Variants in LINGO2 observed in about 807,000 individuals in gnomAD.
The protein encoded by LINGO2 is leucine rich repeat and Ig domain containing 2, also known as leucine-rich repeat and immunoglobulin-like domain-containing nogo receptor-interacting protein 2.
Under a neutral mutation model 30.6 loss-of-function variants are expected in LINGO2, and 14 were observed. That is an observed-to-expected ratio of 0.46 (90% CI 0.30 to 0.72). The LOEUF (loss-of-function observed/expected upper bound fraction) is 0.72, where lower values mean the gene tolerates loss of function less well. LINGO2 is among the 30% of genes least tolerant of loss of function. The pLI, the probability that LINGO2 is intolerant of heterozygous loss-of-function variation, is 0.07. For missense variants in LINGO2, 729 were observed against 751.7 expected (o/e 0.97, Z 0.35); for synonymous variants, 317 against 288.5 (o/e 1.10, Z -1.00).
chr9:29,026,677 T>C, the LINGO2 span, among the ~76,000 whole-genome samples: 3 of 152,178 alleles, frequency 2.0e-5, no homozygotes, highest in African/African-American at 4.8e-5. Flanking sequence ...TGGAATTTAT[T>C]TGTATTCTTC....
At chr9:28,708,210 A>AAT in the LINGO2 span, among the ~76,000 whole-genome samples, 4 of 152,176 alleles carry the variant, frequency 2.6e-5, no homozygotes, top group Non-Finnish European at 5.9e-5. Context: ...CGCAGGCATT[A>AAT]ATATCTAGAA....
chr9:28,249,346 A>G (rs1822113669), intron 4 of LINGO2, among the ~76,000 whole-genome samples: 2 of 152,134 alleles, frequency 1.3e-5, no homozygotes, highest in African/African-American at 4.8e-5. Flanking sequence ...ATATGCTCAG[A>G]CCAGTAATTG....
At chr9:28,307,667 A>G (rs915304218) in intron 3 of LINGO2, among the ~76,000 whole-genome samples, 1 of 152,184 alleles carries the variant, frequency 6.6e-6, no homozygotes, top group Non-Finnish European at 1.5e-5. Flanking sequence ...ACATGATTGT[A>G]TATCTAGAAA....
chr9:28,691,980 G>A, the LINGO2 span, among the ~76,000 whole-genome samples: 1 of 152,136 alleles, frequency 6.6e-6, no homozygotes, highest in African/African-American at 2.4e-5. Context: ...AAGCTCTGGA[G>A]ATGAAATCTA....
intron 3 of LINGO2, among the ~76,000 whole-genome samples, chr9:28,345,759 G>C (rs1270856165): frequency 6.6e-6 from 1 of 152,116 alleles, no homozygotes; most frequent in African/African-American, 2.4e-5. Flanking sequence ...CTACACACGT[G>C]GCTCATTATG....
chr9:28,118,253 C>T (rs987615747), intron 4 of LINGO2, among the ~76,000 whole-genome samples: 1 of 152,038 alleles, frequency 6.6e-6, no homozygotes, highest in East Asian at 1.9e-4. Context: ...AAATTAGAGT[C>T]CAGAGAATGC....
At chr9:28,965,294 C>T in the LINGO2 span, among the ~76,000 whole-genome samples, 1 of 151,858 alleles carries the variant, frequency 6.6e-6, no homozygotes, top group African/African-American at 2.4e-5. Flanking sequence ...ACCCAAGTAA[C>T]CAGAACACTA....
the LINGO2 span, among the ~76,000 whole-genome samples, chr9:28,996,175 C>A: frequency 2.7e-5 from 4 of 150,162 alleles, no homozygotes; most frequent in South Asian, 6.3e-4. Flanking sequence ...GTTCGGCCAT[C>A]TAAGATTATG....
chr9:29,148,284 T>G, the LINGO2 span, among the ~76,000 whole-genome samples: 1 of 152,152 alleles, frequency 6.6e-6, no homozygotes, highest in African/African-American at 2.4e-5. Flanking sequence ...ATATAAACCA[T>G]TTCACTAAGA....
intron 4 of LINGO2, among the ~76,000 whole-genome samples, chr9:28,259,490 G>C (rs1271728174): frequency 2.0e-5 from 3 of 151,822 alleles, no homozygotes; most frequent in Non-Finnish European, 4.4e-5. Flanking sequence ...CTTGGGGTCT[G>C]AGTTGGTGAG....
chr9:28,645,037 G>A (rs1361610968), intron 1 of LINGO2, among the ~76,000 whole-genome samples: 2 of 152,048 alleles, frequency 1.3e-5, no homozygotes, highest in African/African-American at 4.8e-5. Flanking sequence ...GATAAATTTA[G>A]AGAGTATCTG....
At chr9:28,066,848 A>G (rs1825327911) in intron 4 of LINGO2, among the ~76,000 whole-genome samples, 1 of 151,992 alleles carries the variant, frequency 6.6e-6, no homozygotes, top group Non-Finnish European at 1.5e-5. Context: ...GAGGTCATCA[A>G]TGTCTCTGCT....
In LINGO2 at chr9:28,447,302, G is replaced by T. The variant is rs191243885; in HGVS notation, c.-279+28638C>A. Among the ~76,000 whole-genome samples the T allele has an allele frequency of 5.9e-5, 9 of 152,272 alleles. No individual in the cohort carries two copies. The East Asian group carries it at 1.7e-3, about 29-fold the overall frequency. Reference sequence around the variant, plus strand: ...GAAGGTGATTAATCATGAGGGCTGTGTCCTTATGAATGGAATTAGTTGCTT... The same window carrying T: ...GAAGGTGATTAATCATGAGGGCTGTTTCCTTATGAATGGAATTAGTTGCTT... On this transcript the variant is annotated intron_variant, in intron 2 of 5. Transcript: ENST00000379992.
At chr9:28,497,547 G>A (rs1306351873) in intron 1 of LINGO2, among the ~76,000 whole-genome samples, 2 of 152,108 alleles carry the variant, frequency 1.3e-5, no homozygotes, top group Admixed American at 6.5e-5. Context: ...GGTTATTCTA[G>A]TTAGTCATTC....
chr9:28,958,122 GT>G, the LINGO2 span, among the ~76,000 whole-genome samples: 27 of 152,232 alleles, frequency 1.8e-4, no homozygotes, highest in African/African-American at 6.3e-4. Context: ...TGCAATCGTA[GT>G]AGCCAACAGA....
At chr9:29,101,994 C>T in the LINGO2 span, among the ~76,000 whole-genome samples, 2 of 151,862 alleles carry the variant, frequency 1.3e-5, no homozygotes, top group South Asian at 4.2e-4. Flanking sequence ...TTCCATAGTG[C>T]TTTATAAAAG....
At chr9:28,173,686 A>G (rs1285035857) in intron 4 of LINGO2, among the ~76,000 whole-genome samples, 1 of 152,254 alleles carries the variant, frequency 6.6e-6, no homozygotes, top group African/African-American at 2.4e-5. Flanking sequence ...GTGACCAAGA[A>G]TGGAACGGTT....
chr9:28,224,019 C>T (rs995125860), intron 4 of LINGO2, among the ~76,000 whole-genome samples: 5 of 152,126 alleles, frequency 3.3e-5, no homozygotes, highest in Non-Finnish European at 5.9e-5. Context: ...GCTGTAATCA[C>T]TGGGATAGAT....
At chr9:28,275,198 A>G (rs2134104003) in intron 4 of LINGO2, among the ~76,000 whole-genome samples, 1 of 151,956 alleles carries the variant, frequency 6.6e-6, no homozygotes, top group South Asian at 2.1e-4. Context: ...CCTCCCGAGT[A>G]GCTGGGACTA....
Sources: allele counts gnomAD v4.1 joint callset (sites outside exome capture counted in the v4.1 genomes callset), GRCh38; gene constraint gnomAD v4.1.1; transcripts MANE v1.5; gene names NCBI Gene and HGNC (gene_info 2026-07-23, HGNC 2026-07-21).